Variants in COPA observed in about 807,000 individuals in gnomAD.
COPA encodes coatomer subunit alpha.
Under a neutral mutation model 158.7 loss-of-function variants are expected in COPA, and 10 were observed. The observed-to-expected ratio is 0.06, with a 90% CI of 0.04 to 0.11. The LOEUF is 0.11. COPA is among the 10% of genes least tolerant of loss of function. The pLI is 1.00. For synonymous variants in COPA, 462 were observed against 542.8 expected (o/e 0.85, Z 2.07); for missense variants, 1,065 against 1,536.7 (o/e 0.69, Z 5.13).
rs975489764 is a variant in COPA at position 160,306,445 on chromosome 1, G to A, written c.1351C>T (p.Pro451Ser). The A allele has an allele frequency of 6.2e-7, 1 of 1,614,190 alleles. No homozygotes were observed. Among genetic ancestry groups the A allele is most frequent in the Non-Finnish European group, 8.5e-7 (1 of 1,180,022 alleles). The change falls in exon 15 of 33, where the codon CCC (proline) becomes TCC (serine). Residue 451 changes from proline to serine, a missense_variant. By Grantham distance (74) the Pro-to-Ser change is moderately conservative. Coordinates refer to ENST00000241704, the MANE Select transcript of COPA (RefSeq NM_004371.4). ...KNEITKKVQVPNCDEIFYAGT... is the reference protein window; with the variant it reads ...KNEITKKVQVSNCDEIFYAGT... The stretch of plus-strand genomic sequence containing the variant: ...GCATAGAAGATCTCATCACAGTTGG[G>A]CACCTGTACCTTTTTGGTGATCTCA...
chr1:160,291,097 G>A (rs1433356451), intron 31 of COPA, among the ~76,000 whole-genome samples: 2 of 152,198 alleles, frequency 1.3e-5, no homozygotes. Flanking sequence ...TTCAGCTGCA[G>A]TGGAGCTATT....
intron 6 of COPA, among the ~76,000 whole-genome samples, chr1:160,329,040 T>C (rs1647389000): frequency 6.6e-6 from 1 of 152,260 alleles, no homozygotes; most frequent in South Asian, 2.1e-4. Context: ...CACTGGTCTT[T>C]AACAGATCGG....
chr1:160,312,058 G>A (rs1557867174), intron 10 of COPA, 40 bp from the exon 11 acceptor site: 1 of 1,596,194 alleles, frequency 6.3e-7, no homozygotes, highest in Non-Finnish European at 8.5e-7. Context: ...TTAAGCTGTA[G>A]GCAAGAAAAA....
rs1288293240 is a variant in COPA, at chr1:160,308,064, C to A, written c.1220-819G>T. The stretch of plus-strand genomic sequence containing the variant: ...TATTCAAGCCCATCTCTGTTGCCCA[C>A]CACTGGGCTGCTCCTTTATTATTAT... On this transcript the variant is annotated intron_variant, in intron 13 of 32. Coordinates refer to ENST00000241704, the MANE Select transcript of COPA (RefSeq NM_004371.4). Among the ~76,000 whole-genome samples, 3 of 152,226 alleles carry A rather than the reference C, an allele frequency of 2.0e-5. No individual in the cohort carries two copies. In the East Asian group the frequency reaches 5.8e-4, roughly 29 times the overall value.
chr1:160,341,494 T>G (rs1648046409), intron 1 of COPA, among the ~76,000 whole-genome samples: 1 of 152,254 alleles, frequency 6.6e-6, no homozygotes, highest in Non-Finnish European at 1.5e-5. Context: ...CTATTTGCAT[T>G]ATTACTGCCC....
intron 8 of COPA, among the ~76,000 whole-genome samples, chr1:160,320,915 C>G (rs879199972): frequency 2.0e-5 from 3 of 151,418 alleles, no homozygotes; most frequent in African/African-American, 7.3e-5. Flanking sequence ...AACTACAGGC[C>G]GATATCACTG....
chr1:160,327,373 C>T (rs1647282094), intron 6 of COPA, among the ~76,000 whole-genome samples: 1 of 145,626 alleles, frequency 6.9e-6, no homozygotes, highest in African/African-American at 2.5e-5. Context: ...CCCGTCTCTA[C>T]TAAACATACA....
At chr1:160,308,830 C>A in intron 13 of COPA, 1 of 375,600 alleles carries the variant, frequency 2.7e-6, no homozygotes, top group Admixed American at 4.3e-5. Flanking sequence ...TGACAATAAA[C>A]TAGGATAACA....
chr1:160,300,895 G>A (rs1281961869), intron 17 of COPA, among the ~76,000 whole-genome samples: 1 of 152,148 alleles, frequency 6.6e-6, no homozygotes, highest in African/African-American at 2.4e-5. Context: ...GAGGCAGGCG[G>A]ATCACCTGAG....
intron 14 of COPA, among the ~76,000 whole-genome samples, 165 bp from the exon 15 acceptor site, chr1:160,306,658 T>C (rs549142807): frequency 2.1e-4 from 32 of 152,290 alleles, no homozygotes; most frequent in African/African-American, 7.5e-4. Flanking sequence ...ACCAAGATCT[T>C]CTCTAAGGGC....
At chr1:160,303,035 T>G (rs1325841173) in intron 17 of COPA, among the ~76,000 whole-genome samples, 1 of 151,970 alleles carries the variant, frequency 6.6e-6, no homozygotes, top group Non-Finnish European at 1.5e-5. Context: ...TAGCTGGGTG[T>G]GGTGGCATGC....
chr1:160,322,993 A>G (rs55992008), intron 8 of COPA, among the ~76,000 whole-genome samples: 1,752 of 151,270 alleles, frequency 0.012, 39 homozygotes, highest in African/African-American at 0.04. Flanking sequence ...GCACGTGCAC[A>G]CACACACACA....
At chr1:160,306,523 A>T in intron 14 of COPA, 30 bp from the exon 15 acceptor site, 1 of 1,613,458 alleles carries the variant, frequency 6.2e-7, no homozygotes, top group Non-Finnish European at 8.5e-7. Context: ...TGGGGTTAAG[A>T]GAAGAAATGT....
At chr1:160,315,858 CT>C (rs202120222) in intron 8 of COPA, among the ~76,000 whole-genome samples, 2,965 of 152,324 alleles carry the variant, frequency 0.019, 51 homozygotes, top group Non-Finnish European at 0.03. Flanking sequence ...AAAGGAAACC[CT>C]GTTATCGCCA....
At chr1:160,342,223 T>C (rs1648103844) in intron 1 of COPA, among the ~76,000 whole-genome samples, 1 of 152,248 alleles carries the variant, frequency 6.6e-6, no homozygotes, top group Non-Finnish European at 1.5e-5. Context: ...CACAGCTTGT[T>C]AGTGGATGTC....
At chr1:160,325,475 T>C (rs1453796573) in intron 7 of COPA, 68 bp downstream of exon 7, 2 of 1,289,330 alleles carry the variant, frequency 1.6e-6, no homozygotes, top group East Asian at 2.3e-5. Context: ...AATGAATAAA[T>C]GAACAACATA....
intron 3 of COPA, among the ~76,000 whole-genome samples, chr1:160,336,246 T>A (rs1647754445): frequency 6.6e-6 from 1 of 151,116 alleles, no homozygotes; most frequent in African/African-American, 2.4e-5. Context: ...GGCAGCAGGA[T>A]CACTTGAACC....
intron 11 of COPA, among the ~76,000 whole-genome samples, chr1:160,311,180 C>A (rs1658955501): frequency 6.6e-6 from 1 of 152,042 alleles, no homozygotes; most frequent in Non-Finnish European, 1.5e-5. Flanking sequence ...GTGGCTCACG[C>A]CTGCAATCCC....
At chr1:160,303,761 G>A (rs1253927547) in intron 17 of COPA, among the ~76,000 whole-genome samples, 1 of 152,144 alleles carries the variant, frequency 6.6e-6, no homozygotes, top group Admixed American at 6.5e-5. Context: ...CAAAAGAGGA[G>A]ATACTAATAT....
Sources: gnomAD v4.1 joint callset for allele counts (sites outside exome capture counted in the v4.1 genomes callset) on GRCh38, gnomAD v4.1.1 for gene constraint, MANE v1.5 for transcripts, NCBI Gene and HGNC (gene_info 2026-07-23, HGNC 2026-07-21) for gene names.